DCDC1: variants seen among roughly 807,000 people sequenced by gnomAD.
The protein encoded by DCDC1 is doublecortin domain-containing protein 1.
DCDC1 carries 200 observed loss-of-function variants against 178.3 expected under a neutral mutation model. That is an observed-to-expected ratio of 1.12 (90% CI 1.00 to 1.26). DCDC1 has a LOEUF of 1.26. Ranked by LOEUF, DCDC1 falls within the 50% of genes most tolerant of loss-of-function variation. DCDC1 has a pLI of 0.00. For synonymous variants in DCDC1, 690 were observed against 604.8 expected (o/e 1.14, Z -2.07); for missense variants, 1,983 against 1,749.2 (o/e 1.13, Z -2.38).
chr11:30,978,779 AACACACACACACACACACACACACAC>A (rs56058117), intron 20 of DCDC1, among the ~76,000 whole-genome samples: 1 of 119,022 alleles, frequency 8.4e-6, no homozygotes. Context: ...GTCCCCCCTC[AACACACACACACACACACACACACAC>A]ACACACACAC....
Position 31,106,820 on chromosome 11 carries a change from C to G in DCDC1, c.1728G>C (p.Trp576Cys). The G allele has an allele frequency of 1.3e-6, 1 of 766,132 alleles. No individual in the cohort carries two copies. The highest frequency in any genetic ancestry group is 2.4e-6 in the Non-Finnish European group (1 of 417,768). The allele number at this position is 766,132 out of a possible 1,614,324, so 47.5% of individuals were successfully genotyped here. A position where few individuals can be genotyped will look rare whatever the true frequency, so the allele number is the denominator to read the frequency against. ...PLSLKNEQKIWVSYGRAYRSP... is the reference protein window; with the variant it reads ...PLSLKNEQKICVSYGRAYRSP... The stretch of plus-strand genomic sequence containing the variant: ...ACCTGTATGCTCTACCATAAGAGAC[C>G]CAAATTTTTTGCTCATTCTTCAGCG... The change falls in exon 13 of 39, where the codon TGG becomes TGC. Residue 576 changes from tryptophan (W) to cysteine (C), a missense_variant. By Grantham distance (215) the Trp-to-Cys change is radical (BLOSUM62 -2). Transcript: ENST00000684477.
intron 3 of DCDC1, chr11:31,312,608 G>C (rs1948836928): frequency 6.6e-6 from 1 of 152,180 alleles, no homozygotes; most frequent in Non-Finnish European, 1.5e-5. Flanking sequence ...AAGAAGGTTG[G>C]AATCTGGCTT....
chr11:31,322,390 A>T (rs1480166511), intron 3 of DCDC1, among the ~76,000 whole-genome samples: 1 of 152,226 alleles, frequency 6.6e-6, no homozygotes, highest in African/African-American at 2.4e-5. Flanking sequence ...GGTTATTTTT[A>T]AGAATTCATC....
At chr11:30,936,191 T>A (rs1590428176) in intron 21 of DCDC1, among the ~76,000 whole-genome samples, 3 of 152,152 alleles carry the variant, frequency 2.0e-5, no homozygotes, top group Admixed American at 1.3e-4. Context: ...GGCCAGTATA[T>A]AATTTCTTAA....
intron 9 of DCDC1, among the ~76,000 whole-genome samples, chr11:31,226,826 A>T (rs1271716499): frequency 1.3e-5 from 2 of 152,042 alleles, no homozygotes; most frequent in Non-Finnish European, 2.9e-5. Context: ...ATCAAAACCC[A>T]TAAGTATGTG....
chr11:31,052,849 A>T (rs578155421), intron 20 of DCDC1, among the ~76,000 whole-genome samples: 1 of 152,278 alleles, frequency 6.6e-6, no homozygotes, highest in South Asian at 2.1e-4. Flanking sequence ...CTAAGAGGAA[A>T]GTTCATAGCC....
rs1412734079 is a variant in DCDC1 at position 31,352,682 on chromosome 11, G to A, written c.-125+17015C>T. Among the ~76,000 whole-genome samples the A allele has an allele frequency of 7.2e-5, 11 of 152,216 alleles. No homozygotes were observed. In the South Asian group the frequency reaches 2.1e-3, roughly 29 times the overall value. On this transcript the variant is annotated intron_variant, in intron 1 of 38. Transcript: ENST00000684477. Reference sequence around the variant, plus strand: ...ACATGACGAGCTCAATAAGTCCTTGGAGAAATATTACATCCACCTAAATTC... The same window carrying A: ...ACATGACGAGCTCAATAAGTCCTTGAAGAAATATTACATCCACCTAAATTC...
chr11:30,876,702 G>A (rs1277582367), intron 38 of DCDC1, among the ~76,000 whole-genome samples: 1 of 152,178 alleles, frequency 6.6e-6, no homozygotes, highest in Non-Finnish European at 1.5e-5. Flanking sequence ...GATCCAGGGT[G>A]AAATTATGCC....
chr11:31,243,865 G>C (rs1977494234), intron 8 of DCDC1, among the ~76,000 whole-genome samples: 2 of 151,728 alleles, frequency 1.3e-5, no homozygotes, highest in South Asian at 4.1e-4. Context: ...AATCTGTTCA[G>C]TATTCCAGAA....
At chr11:31,270,055 T>A (rs1312495525) in intron 7 of DCDC1, among the ~76,000 whole-genome samples, 1 of 152,182 alleles carries the variant, frequency 6.6e-6, no homozygotes, top group Non-Finnish European at 1.5e-5. Flanking sequence ...TATGAGTTAA[T>A]GCCTGGAAGC....
intron 2 of DCDC1, 84 bp downstream of exon 2, chr11:31,335,363 G>A (rs1403540723): frequency 1.3e-5 from 2 of 152,390 alleles, no homozygotes; most frequent in East Asian, 3.9e-4. Context: ...CTTCCGGGGT[G>A]AGGCAATGCC....
intron 33 of DCDC1, among the ~76,000 whole-genome samples, chr11:30,899,975 C>A (rs1292094134): frequency 1.3e-5 from 2 of 152,110 alleles, no homozygotes; most frequent in African/African-American, 2.4e-5. Context: ...CACCTACTGC[C>A]TAAAGGGTGC....
chr11:31,346,142 T>C (rs1308553218), intron 1 of DCDC1, among the ~76,000 whole-genome samples: 1 of 152,074 alleles, frequency 6.6e-6, no homozygotes, highest in Admixed American at 6.6e-5. Context: ...TTCTCATAAG[T>C]ATGTGAAATA....
intron 9 of DCDC1, among the ~76,000 whole-genome samples, chr11:31,172,357 G>A (rs1481406830): frequency 6.6e-6 from 1 of 152,004 alleles, no homozygotes; most frequent in African/African-American, 2.4e-5. Context: ...TTAAGAGAAT[G>A]AGAGACATTT....
chr11:31,266,642 A>G (rs1945185246), intron 7 of DCDC1, among the ~76,000 whole-genome samples: 1 of 152,234 alleles, frequency 6.6e-6, no homozygotes, highest in Non-Finnish European at 1.5e-5. Context: ...ATATGATTAT[A>G]GTAAACAGAA....
intron 20 of DCDC1, among the ~76,000 whole-genome samples, chr11:30,997,780 C>T (rs1032719717): frequency 6.6e-6 from 1 of 151,794 alleles, no homozygotes; most frequent in Non-Finnish European, 1.5e-5. Flanking sequence ...TCAGAATAAA[C>T]TCATGTTTAT....
At chr11:30,964,364 T>G (rs1333534767) in intron 20 of DCDC1, among the ~76,000 whole-genome samples, 1 of 152,192 alleles carries the variant, frequency 6.6e-6, no homozygotes, top group Non-Finnish European at 1.5e-5. Context: ...TCTTGACTAA[T>G]TTAATATCCT....
chr11:31,274,893 G>T (rs1945866686), intron 7 of DCDC1, among the ~76,000 whole-genome samples: 1 of 151,930 alleles, frequency 6.6e-6, no homozygotes, highest in African/African-American at 2.4e-5. Context: ...TAGAGATAGG[G>T]TTTCACTATG....
chr11:31,035,350 T>C (rs1009561209), intron 20 of DCDC1, among the ~76,000 whole-genome samples: 1 of 152,216 alleles, frequency 6.6e-6, no homozygotes, highest in Non-Finnish European at 1.5e-5. Flanking sequence ...CAGGATCCAA[T>C]CCAGGATACC....
Sources: gnomAD v4.1 joint callset for allele counts (sites outside exome capture counted in the v4.1 genomes callset) on GRCh38, gnomAD v4.1.1 for gene constraint, MANE v1.5 for transcripts, NCBI Gene and HGNC (gene_info 2026-07-23, HGNC 2026-07-21) for gene names.